EMILIN1: variants seen among roughly 807,000 people sequenced by gnomAD.
EMILIN1 encodes EMILIN-1.
A neutral mutation model predicts 82.4 loss-of-function variants in EMILIN1; 49 were observed. The observed-to-expected ratio is 0.59, with a 90% CI of 0.47 to 0.75. EMILIN1 has a LOEUF of 0.75. Ranked by LOEUF, EMILIN1 falls within the 30% of genes least tolerant of loss-of-function variation. The probability of loss-of-function intolerance (pLI) is 0.00; values close to 1 mark genes in which losing one functional copy is unlikely to be tolerated. For synonymous variants in EMILIN1, 604 were observed against 602.2 expected (o/e 1.00, Z -0.04); for missense variants, 1,313 against 1,366.4 (o/e 0.96, Z 0.62).
chr2:27,086,383 A>C lies in EMILIN1; in HGVS notation c.*368A>C. 9.4e-6 allele frequency: 2 copies of C among 213,638 alleles called. No homozygotes were observed. The highest frequency in any genetic ancestry group is 1.8e-5 in the Non-Finnish European group (2 of 108,422). The allele number at this position is 213,638 out of a possible 1,614,324, so 13.2% of individuals were successfully genotyped here. A position where few individuals can be genotyped will look rare whatever the true frequency, so the allele number is the denominator to read the frequency against. On this transcript the variant is annotated 3_prime_UTR_variant, in exon 8 of 8. Transcript: ENST00000380320. Reference sequence around the variant, plus strand: ...TACTAAACGATCGAGGAATAAAGACACTTGGTTTTTCTAAAAAAAACTAAA... The same window carrying C: ...TACTAAACGATCGAGGAATAAAGACCCTTGGTTTTTCTAAAAAAAACTAAA...
At position 27,086,084 on chromosome 2, in the gene EMILIN1, C is replaced by A; in HGVS notation, c.*69C>A. 2 of 1,203,178 alleles carry A rather than the reference C, an allele frequency of 1.7e-6. No individual in the cohort carries two copies. Among genetic ancestry groups the A allele is most frequent in the Non-Finnish European group, 1.1e-6 (1 of 909,930 alleles). The allele number at this position is 1,203,178 out of a possible 1,614,324, so 74.5% of individuals were successfully genotyped here. The stretch of plus-strand genomic sequence containing the variant: ...CGGGGGCGGCGGGCTCCTGGGGTCT[C>A]GCCTGAGACGGGGCACCTAGCCCTG... On this transcript the variant is annotated 3_prime_UTR_variant, in exon 8 of 8. Transcript: ENST00000380320.
intron 4 of EMILIN1, 113 bp from the exon 5 acceptor site, chr2:27,084,302 A>G (rs1490274027): frequency 2.7e-6 from 2 of 744,154 alleles, no homozygotes; most frequent in African/African-American, 1.8e-5. Context: ...TCAGCCTGCA[A>G]AGCTCCACCT....
rs570108655 is a variant in EMILIN1, at chr2:27,082,690, C to T, written c.1119C>T (p.Ala373=). The T allele has an allele frequency of 9.0e-6, 14 of 1,553,788 alleles. No homozygotes were observed. The African/African-American group carries it at 1.1e-4, about 12-fold the overall frequency. ...TGGAGCGCAGGCTGGATGTCGTGGC[C>T]GGCTCAGTGACAGTGCTGAGTGGGC... ...AELERRLDVV[A]GSVTVLSGRR... is the part of the protein sequence containing the mutation. Residue 373 remains alanine (A), a synonymous_variant, in exon 4 of 8, where the codon GCC becomes GCT. Transcript: ENST00000380320.
chr2:27,083,881 G>C lies in EMILIN1; in HGVS notation c.2310G>C (p.Gln770His). 6.2e-7 allele frequency: 1 copy of C among 1,609,108 alleles called. No individual in the cohort carries two copies. The highest frequency in any genetic ancestry group is 8.5e-7 in the Non-Finnish European group (1 of 1,176,524). Residue 770 changes from glutamine (Q) to histidine (H), a missense_variant, in exon 4 of 8, where the codon CAG becomes CAC. Coordinates refer to ENST00000380320, the MANE Select transcript of EMILIN1 (RefSeq NM_007046.4). ...AGLRETNTTS[Q>H]MQAALLEKLV... ...TCCGGGAAACCAACACCACCAGCCA[G>C]ATGCAGGCAGCCCTGCTGGAGAAGC...
rs192118591 is a variant in EMILIN1 at position 27,085,311 on chromosome 2, G to C, written c.2713+14G>C. On this transcript the variant is annotated intron_variant, in intron 7 of 7. Coordinates refer to ENST00000380320, the MANE Select transcript of EMILIN1 (RefSeq NM_007046.4). ...ATCCAGAGACAGGTAGTCCTGGGAG[G>C]GGCTGGGTTGAACGGTTGGAGAAAT... 2 of 1,613,870 alleles carry C rather than the reference G, an allele frequency of 1.2e-6. No homozygotes were observed. The highest frequency in any genetic ancestry group is 3.3e-5 in the Admixed American group (2 of 60,032).
chr2:27,083,765 G>A lies in EMILIN1; in HGVS notation c.2194G>A (p.Gly732Ser), dbSNP rs147465572. Residue 732 changes from glycine (G) to serine (S), a missense_variant, in exon 4 of 8, where the codon GGT becomes AGT. Physicochemically the swap from Gly to Ser is moderately conservative, Grantham distance 56. Transcript: ENST00000380320. ...SLEGRLGRLE[G>S]VCERLDTVAG... The stretch of plus-strand genomic sequence containing the variant: ...AGAGGGGCGATTGGGCCGTCTTGAG[G>A]GTGTCTGTGAACGGTTGGACACTGT... 1.5e-4 allele frequency: 240 copies of A among 1,612,306 alleles called. 4 individuals are homozygous for A. The Middle Eastern group carries it at 3.5e-3, about 23-fold the overall frequency.
At position 27,082,749 on chromosome 2, in the gene EMILIN1, A is replaced by C. The variant is rs1316949899; in HGVS notation, c.1178A>C (p.Gln393Pro). ...RGTELGGAAGQGGHPPGYTSL... is the reference protein window; with the variant it reads ...RGTELGGAAGPGGHPPGYTSL... The stretch of plus-strand genomic sequence containing the variant: ...ACAGAGCTGGGAGGAGCCGCGGGGC[A>C]GGGAGGCCACCCCCCAGGCTACACC... The change falls in exon 4 of 8, where the codon CAG (glutamine) becomes CCG (proline). Residue 393 changes from glutamine (Q) to proline (P), a missense_variant. Coordinates refer to ENST00000380320, the MANE Select transcript of EMILIN1 (RefSeq NM_007046.4). The C allele has an allele frequency of 6.5e-7, 1 of 1,541,616 alleles. No homozygotes were observed. The highest frequency in any genetic ancestry group is 8.7e-7 in the Non-Finnish European group (1 of 1,149,646).
At position 27,083,916 on chromosome 2, in the gene EMILIN1, G is replaced by A. The variant is rs1248640367; in HGVS notation, c.2345G>A (p.Gly782Glu). 6.2e-7 allele frequency: 1 copy of A among 1,606,630 alleles called. No homozygotes were observed. The highest frequency in any genetic ancestry group is 8.5e-7 in the Non-Finnish European group (1 of 1,175,552). The change falls in exon 4 of 8, where the codon GGA (glycine) becomes GAA (glutamate). Residue 782 changes from glycine (G) to glutamate (E), a missense_variant. Coordinates refer to ENST00000380320, the MANE Select transcript of EMILIN1 (RefSeq NM_007046.4). ...GCCCTGCTGGAGAAGCTGGTCGGGGGACAGGCGGGCCTGGGCAGGCGGCTG... is the reference window on the plus strand; with the variant it reads ...GCCCTGCTGGAGAAGCTGGTCGGGGAACAGGCGGGCCTGGGCAGGCGGCTG... ...QAALLEKLVG[G>E]QAGLGRRLGA...
rs1669461631 is a variant in EMILIN1 at position 27,080,881 on chromosome 2, T to C, written c.440T>C (p.Leu147Pro). 6.2e-7 allele frequency: 1 copy of C among 1,608,520 alleles called. No homozygotes were observed. Among genetic ancestry groups the C allele is most frequent in the African/African-American group, 1.3e-5 (1 of 74,894 alleles). Residue 147 changes from leucine (L) to proline (P), a missense_variant, in exon 3 of 8, where the codon CTG (leucine) becomes CCG (proline). Leu to Pro is a moderately conservative substitution (Grantham distance 98). Coordinates refer to ENST00000380320, the MANE Select transcript of EMILIN1 (RefSeq NM_007046.4). Reference protein sequence around the residue: ...LGPASSTPRPLARPARPNLSG... With the variant: ...LGPASSTPRPPARPARPNLSG... ...CCTGCGTCTTCCACACCACGGCCCC[T>C]GGCCCGGCCTGCCCGCCCCAACCTC...
At chr2:27,081,240 A>AC (rs1669471640) in intron 3 of EMILIN1, among the ~76,000 whole-genome samples, 1 of 152,136 alleles carries the variant, frequency 6.6e-6, no homozygotes, top group African/African-American at 2.4e-5. Context: ...GTGCTCGCAC[A>AC]CGCCCCATGT....
chr2:27,082,322 G>A lies in EMILIN1; in HGVS notation c.751G>A (p.Val251Ile), dbSNP rs530303705. ...QHQLQLLDTR[V>I]STHDQELGHL... is the part of the protein sequence containing the mutation. ...CCAGCTGCAGCTCCTGGACACCCGC[G>A]TCTCCACCCACGACCAGGAGCTGGG... Residue 251 changes from valine (V) to isoleucine (I), a missense_variant, in exon 4 of 8, where the codon GTC becomes ATC. Val to Ile is a conservative substitution (Grantham distance 29, BLOSUM62 3). Coordinates refer to ENST00000380320, the MANE Select transcript of EMILIN1 (RefSeq NM_007046.4). The A allele has an allele frequency of 3.2e-5, 51 of 1,612,886 alleles. No individual in the cohort carries two copies. The East Asian group carries it at 9.6e-4, about 30-fold the overall frequency.
In EMILIN1 at chr2:27,082,937, G is replaced by A. The variant is rs1363470363; in HGVS notation, c.1366G>A (p.Val456Met). 1.3e-6 allele frequency: 2 copies of A among 1,581,400 alleles called. No individual in the cohort carries two copies. The highest frequency in any genetic ancestry group is 8.6e-7 in the Non-Finnish European group (1 of 1,163,674). Residue 456 changes from valine (V) to methionine (M), a missense_variant, in exon 4 of 8, where the codon GTG becomes ATG. By Grantham distance (21) the Val-to-Met change is conservative. Transcript: ENST00000380320. ...GCAGTTGGGGGGGCTGCTGGCCAAT[G>A]TGAGCGGGGAGCTGGGGGGGCGGTT... is the stretch of plus-strand genomic sequence containing the variant. ...LEQLGGLLAN[V>M]SGELGGRLDL...
chr2:27,085,628 G>T, intron 7 of EMILIN1, 50 bp from the exon 8 acceptor site: 1 of 1,517,066 alleles, frequency 6.6e-7, no homozygotes. Context: ...GAGTTCTGGT[G>T]CGCTCCCCGG....
Position 27,082,399 on chromosome 2 carries a change from C to T in EMILIN1, c.828C>T (p.Ala276=). ...GGSSSSGGSR[A]PAPASAPPGP... ...GCAGCAGCAGTGGGGGCAGCAGGGC[C>T]CCAGCCCCAGCCTCAGCCCCTCCGG... Residue 276 remains alanine, a synonymous_variant, in exon 4 of 8, where the codon GCC becomes GCT. Coordinates refer to ENST00000380320, the MANE Select transcript of EMILIN1 (RefSeq NM_007046.4). The T allele has an allele frequency of 6.2e-7, 1 of 1,608,334 alleles. No homozygotes were observed. Among genetic ancestry groups the T allele is most frequent in the Non-Finnish European group, 8.5e-7 (1 of 1,178,768 alleles).
chr2:27,080,415 A>G, intron 2 of EMILIN1, 145 bp downstream of exon 2: 1 of 1,176,124 alleles, frequency 8.5e-7, no homozygotes, highest in Middle Eastern at 2.9e-4. Flanking sequence ...AGATACTGAG[A>G]CAACAGTTTG....
At chr2:27,085,396 T>G in intron 7 of EMILIN1, 99 bp downstream of exon 7, 1 of 1,459,484 alleles carries the variant, frequency 6.9e-7, no homozygotes, top group Non-Finnish European at 9.5e-7. Flanking sequence ...TGAATCTTCA[T>G]TCTCTGATTT....
chr2:27,079,109 T>G lies in EMILIN1; in HGVS notation c.44T>G (p.Leu15Arg). 6.2e-7 allele frequency: 1 copy of G among 1,606,046 alleles called. No individual in the cohort carries two copies. The highest frequency in any genetic ancestry group is 8.5e-7 in the Non-Finnish European group (1 of 1,176,700). The change falls in exon 1 of 8, where the codon CTG becomes CGG. Residue 15 changes from leucine (L) to arginine (R), a missense_variant. Leu to Arg is a moderately radical substitution (Grantham distance 102, BLOSUM62 -2). Coordinates refer to ENST00000380320, the MANE Select transcript of EMILIN1 (RefSeq NM_007046.4). ...TGGAGCTGCTACCTCTGCTGCCTGC[T>G]GACGGCAGCTGCAGGGGCCGCCAGC... ...TLWSCYLCCLLTAAAGAASYP... is the reference protein window; with the variant it reads ...TLWSCYLCCLRTAAAGAASYP...
chr2:27,085,223 C>T lies in EMILIN1; in HGVS notation c.2639C>T (p.Pro880Leu). Residue 880 changes from proline to leucine, a missense_variant, in exon 7 of 8, where the codon CCC becomes CTC. Pro to Leu is a moderately conservative substitution (Grantham distance 98, BLOSUM62 -3). Coordinates refer to ENST00000380320, the MANE Select transcript of EMILIN1 (RefSeq NM_007046.4). ...QVAFSAALSLPRSEPGTVPFD... is the reference protein window; with the variant it reads ...QVAFSAALSLLRSEPGTVPFD... Reference sequence around the variant, plus strand: ...GCATTTTCAGCTGCTCTGAGTTTGCCCCGGTCTGAACCAGGCACGGTCCCC... The same window carrying T: ...GCATTTTCAGCTGCTCTGAGTTTGCTCCGGTCTGAACCAGGCACGGTCCCC... 1 of 1,614,172 alleles carries T rather than the reference C, an allele frequency of 6.2e-7. No individual in the cohort carries two copies. Among genetic ancestry groups the T allele is most frequent in the Non-Finnish European group, 8.5e-7 (1 of 1,180,038 alleles).
chr2:27,086,087 C>A lies in EMILIN1; in HGVS notation c.*72C>A. On this transcript the variant is annotated 3_prime_UTR_variant, in exon 8 of 8. Transcript: ENST00000380320. ...GGGCGGCGGGCTCCTGGGGTCTCGC[C>A]TGAGACGGGGCACCTAGCCCTGGGC... 8.4e-7 allele frequency: 1 copy of A among 1,187,700 alleles called. No homozygotes were observed. Among genetic ancestry groups the A allele is most frequent in the Non-Finnish European group, 1.1e-6 (1 of 896,416 alleles). 73.6% of individuals were successfully genotyped at this position (1,187,700 alleles called of 1,614,324 possible).
Sources: gnomAD v4.1 joint callset for allele counts (sites outside exome capture counted in the v4.1 genomes callset) on GRCh38, gnomAD v4.1.1 for gene constraint, MANE v1.5 for transcripts, NCBI Gene and HGNC (gene_info 2026-07-23, HGNC 2026-07-21) for gene names.